FMN2: variants seen among roughly 807,000 people sequenced by gnomAD.
FMN2 encodes formin 2, also known as formin-2.
In FMN2, 51 loss-of-function variants were observed where a neutral mutation model predicts 142.3. That is an observed-to-expected ratio of 0.36 (90% CI 0.29 to 0.45). The LOEUF is 0.45. Ranked by LOEUF, FMN2 falls within the 20% of genes least tolerant of loss-of-function variation. The pLI is 1.00. For missense variants in FMN2, 1,936 were observed against 2,122.8 expected (o/e 0.91, Z 1.73); for synonymous variants, 882 against 869.8 (o/e 1.01, Z -0.25).
chr1:240,187,082 T>C (rs1414366756), intron 3 of FMN2, among the ~76,000 whole-genome samples: 1 of 141,228 alleles, frequency 7.1e-6, no homozygotes, highest in African/African-American at 2.7e-5. Context: ...CTGGCCAACA[T>C]GGTGAAACCC....
At chr1:240,401,537 C>A (rs892497652) in intron 15 of FMN2, among the ~76,000 whole-genome samples, 6 of 152,192 alleles carry the variant, frequency 3.9e-5, no homozygotes, top group African/African-American at 1.4e-4. Context: ...CTGTAACAGC[C>A]AGACACAATT....
intron 8 of FMN2, among the ~76,000 whole-genome samples, chr1:240,310,220 G>A (rs1670554449): frequency 6.6e-6 from 1 of 152,046 alleles, no homozygotes; most frequent in African/African-American, 2.4e-5. Context: ...TATCCTTGAA[G>A]AAAAAAATAT....
intron 4 of FMN2, among the ~76,000 whole-genome samples, chr1:240,199,209 C>A (rs980984726): frequency 6.6e-6 from 1 of 152,090 alleles, no homozygotes; most frequent in Admixed American, 6.6e-5. Flanking sequence ...CCTAACCTGC[C>A]AGTAATGTTG....
chr1:240,179,882 C>T (rs564594015), intron 3 of FMN2, among the ~76,000 whole-genome samples: 1 of 152,276 alleles, frequency 6.6e-6, no homozygotes, highest in Non-Finnish European at 1.5e-5. Flanking sequence ...TCATTCTCAA[C>T]TTTTCTAACT....
chr1:240,336,207 A>G (rs1671550361), intron 13 of FMN2, among the ~76,000 whole-genome samples: 1 of 152,136 alleles, frequency 6.6e-6, no homozygotes, highest in Non-Finnish European at 1.5e-5. Context: ...GCGCCTCTGA[A>G]TACTATTTCC....
chr1:240,452,089 G>A (rs1676073681), intron 16 of FMN2, among the ~76,000 whole-genome samples: 1 of 152,040 alleles, frequency 6.6e-6, no homozygotes, highest in Non-Finnish European at 1.5e-5. Flanking sequence ...TACTCAGGAG[G>A]CTGAGGCAGG....
At chr1:240,198,372 T>C (rs1665997257) in intron 4 of FMN2, among the ~76,000 whole-genome samples, 1 of 152,236 alleles carries the variant, frequency 6.6e-6, no homozygotes, top group Non-Finnish European at 1.5e-5. Flanking sequence ...TCTAAAGAGA[T>C]GTTAAAAGTA....
chr1:240,096,814 G>T (rs1414025889), intron 1 of FMN2, among the ~76,000 whole-genome samples: 1 of 152,206 alleles, frequency 6.6e-6, no homozygotes, highest in Non-Finnish European at 1.5e-5. Flanking sequence ...TATGGCACAT[G>T]TCTGTGTCTC....
intron 14 of FMN2, among the ~76,000 whole-genome samples, chr1:240,361,135 ATATGTGT>A (rs1672454039): frequency 9.6e-6 from 1 of 103,942 alleles, no homozygotes; most frequent in Non-Finnish European, 2.1e-5. Context: ...ATAAATAAAT[ATATGTGT>A]ATATATATAT....
At position 240,441,017 on chromosome 1, in the gene FMN2, A is replaced by T. The variant is rs561082559; in HGVS notation, c.5060+2807A>T. Reference sequence around the variant, plus strand: ...AACTTTTTTTTTTTTTTTTTTTGAGACATAGTCTCACTCTGTCGCCACACT... The same window carrying T: ...AACTTTTTTTTTTTTTTTTTTTGAGTCATAGTCTCACTCTGTCGCCACACT... On this transcript the variant is annotated intron_variant, in intron 16 of 17. Coordinates refer to ENST00000319653, the MANE Select transcript of FMN2 (RefSeq NM_020066.5). Among the ~76,000 whole-genome samples, 3 of 128,244 alleles carry T rather than the reference A, an allele frequency of 2.3e-5. No homozygotes were observed. The South Asian group carries it at 7.5e-4, about 32-fold the overall frequency. 84.1% of individuals were successfully genotyped at this position (128,244 alleles called of 152,430 possible). A position where few individuals can be genotyped will look rare whatever the true frequency, so the allele number is the denominator to read the frequency against.
At chr1:240,311,452 C>T (rs1329680797) in intron 8 of FMN2, among the ~76,000 whole-genome samples, 1 of 152,068 alleles carries the variant, frequency 6.6e-6, no homozygotes, top group Non-Finnish European at 1.5e-5. Flanking sequence ...ACCATACTCT[C>T]AAATTTCATT....
intron 14 of FMN2, among the ~76,000 whole-genome samples, chr1:240,369,639 A>G (rs1238065239): frequency 1.3e-5 from 2 of 152,192 alleles, no homozygotes; most frequent in Non-Finnish European, 2.9e-5. Flanking sequence ...ATAAAATTCT[A>G]GGTTCAAAGT....
chr1:240,362,224 C>T (rs1032443272), intron 14 of FMN2, among the ~76,000 whole-genome samples: 1 of 152,146 alleles, frequency 6.6e-6, no homozygotes, highest in African/African-American at 2.4e-5. Context: ...GTTACTATAA[C>T]TTAGCTTATC....
intron 16 of FMN2, among the ~76,000 whole-genome samples, chr1:240,462,802 T>TG (rs562242043): frequency 1.3e-5 from 2 of 152,052 alleles, no homozygotes; most frequent in African/African-American, 2.4e-5. Context: ...AGTGAAAATC[T>TG]GGGGGGGAAA....
At chr1:240,167,442 C>T (rs1213178310) in intron 2 of FMN2, among the ~76,000 whole-genome samples, 1 of 152,150 alleles carries the variant, frequency 6.6e-6, no homozygotes, top group Admixed American at 6.5e-5. Context: ...GCCATAGTGC[C>T]TGGCCTATTT....
At chr1:240,282,851 A>G (rs1669448754) in intron 7 of FMN2, among the ~76,000 whole-genome samples, 1 of 152,206 alleles carries the variant, frequency 6.6e-6, no homozygotes, top group African/African-American at 2.4e-5. Flanking sequence ...AAGCCAAGCA[A>G]AATCCAACAC....
At chr1:240,096,549 A>G (rs980179766) in intron 1 of FMN2, among the ~76,000 whole-genome samples, 8 of 152,196 alleles carry the variant, frequency 5.3e-5, no homozygotes, top group African/African-American at 1.7e-4. Context: ...TGTCTTGGAA[A>G]TTACCAGAGG....
At chr1:240,228,338 A>AGG (rs1558380564) in intron 6 of FMN2, among the ~76,000 whole-genome samples, 32 of 124,166 alleles carry the variant, frequency 2.6e-4, no homozygotes, top group East Asian at 4.6e-4. Flanking sequence ...AAAAAGAAAA[A>AGG]GAAAAAGAAA....
chr1:240,181,778 T>C (rs1223086869), intron 3 of FMN2, among the ~76,000 whole-genome samples: 1 of 152,226 alleles, frequency 6.6e-6, no homozygotes, highest in Non-Finnish European at 1.5e-5. Flanking sequence ...AAAACATTGA[T>C]ACAAAGAAAC....
Sources: allele counts gnomAD v4.1 joint callset (sites outside exome capture counted in the v4.1 genomes callset), GRCh38; gene constraint gnomAD v4.1.1; transcripts MANE v1.5; gene names NCBI Gene and HGNC (gene_info 2026-07-23, HGNC 2026-07-21).